TRIP13: variants seen among roughly 807,000 people sequenced by gnomAD.
The protein encoded by TRIP13 is thyroid hormone receptor interactor 13.
TRIP13 carries 25 observed loss-of-function variants against 54.4 expected under a neutral mutation model. The observed-to-expected ratio is 0.46, with a 90% CI of 0.33 to 0.64. The LOEUF (loss-of-function observed/expected upper bound fraction) is 0.64, where lower values mean the gene tolerates loss of function less well. Ranked by LOEUF, TRIP13 falls within the 30% of genes least tolerant of loss-of-function variation. The pLI is 0.02. For missense variants in TRIP13, 373 were observed against 534.2 expected, an observed-to-expected ratio of 0.70 and a Z score of 2.97; for synonymous variants, 207 against 207.8, an observed-to-expected ratio of 1.00 and a Z score of 0.03.
intron 9 of TRIP13, among the ~76,000 whole-genome samples, chr5:910,526 C>T (rs752616576): frequency 6.6e-5 from 10 of 152,268 alleles, no homozygotes; most frequent in African/African-American, 1.4e-4. Context: ...GGATTCCACA[C>T]GACGCTGATG....
Position 894,838 on chromosome 5 carries a change from A to C in TRIP13, c.144A>C (p.Arg48Ser). 1 of 1,613,756 alleles carries C rather than the reference A, an allele frequency of 6.2e-7. No homozygotes were observed. Among genetic ancestry groups the C allele is most frequent in the Middle Eastern group, 1.7e-4 (1 of 6,058 alleles). ...INLSVRKLLN[R>S]HNIVFGDYTW... is the part of the protein sequence containing the mutation. ...TGAGTGTTAGAAAGCTACTCAACAG[A>C]CATAATATTGTGTTTGGTGATTACA... The change falls in exon 2 of 13, where the codon AGA (arginine) becomes AGC (serine). Residue 48 changes from arginine (R) to serine (S), a missense_variant. By Grantham distance (110) the Arg-to-Ser change is moderately radical. Around this residue, in one of 4 missense-constraint regions of TRIP13, gnomAD observed 151 missense variants for 151.9 expected, o/e 0.99. Transcript: ENST00000166345.
rs528150414 is a variant in TRIP13 at position 908,213 on chromosome 5, C to T, written c.759+139C>T. 1.4e-6 allele frequency: 2 copies of T among 1,379,910 alleles called. No individual in the cohort carries two copies. Among genetic ancestry groups the T allele is most frequent in the Admixed American group, 1.8e-5 (1 of 56,350 alleles). 85.5% of individuals were successfully genotyped at this position (1,379,910 alleles called of 1,614,324 possible). A position where few individuals can be genotyped will look rare whatever the true frequency, so the allele number is the denominator to read the frequency against. On this transcript the variant is annotated intron_variant, in intron 8 of 12. Coordinates refer to ENST00000166345, the MANE Select transcript of TRIP13 (RefSeq NM_004237.4). The surrounding 1 kb of genome is among the most constrained non-coding windows in gnomAD (Gnocchi z 5.2). Reference sequence around the variant, plus strand: ...TCCCTCCCTGCACTGTGCGCCTTTCCACCTTGCCGCAGCATCCGCAGGCTA... The same window carrying T: ...TCCCTCCCTGCACTGTGCGCCTTTCTACCTTGCCGCAGCATCCGCAGGCTA...
chr5:893,343 C>A (rs1031883849), intron 1 of TRIP13, among the ~76,000 whole-genome samples: 7 of 151,688 alleles, frequency 4.6e-5, no homozygotes, highest in African/African-American at 1.2e-4. Context: ...CAGATTGAGC[C>A]CCGACCCGAC....
At position 893,091 on chromosome 5, in the gene TRIP13, G is replaced by T; in HGVS notation, c.92+1G>T. 2 of 1,590,328 alleles carry T rather than the reference G, an allele frequency of 1.3e-6. No homozygotes were observed. Among genetic ancestry groups the T allele is most frequent in the Non-Finnish European group, 1.7e-6 (2 of 1,174,330 alleles). ...TGGAGGTGCATCAGCGCGGCAGCAG[G>T]TGAGCCGGACCTGTCCGACACATCC... On this transcript the variant is annotated splice_donor_variant, in intron 1 of 12. Coordinates refer to ENST00000166345, the MANE Select transcript of TRIP13 (RefSeq NM_004237.4). LOFTEE classifies it high-confidence loss of function.
intron 12 of TRIP13, 111 bp downstream of exon 12, chr5:916,084 A>G (rs1754335067): frequency 1.7e-6 from 2 of 1,158,312 alleles, no homozygotes; most frequent in Admixed American, 1.8e-5. Context: ...CTCAGTTTCT[A>G]AACCACAGGG....
intron 5 of TRIP13, among the ~76,000 whole-genome samples, chr5:903,818 C>G (rs1754048493): frequency 6.6e-6 from 1 of 152,012 alleles, no homozygotes; most frequent in Non-Finnish European, 1.5e-5. Context: ...CAGGTGTCAG[C>G]AAAGATGTAG....
At chr5:916,236 G>A (rs558922512) in intron 12 of TRIP13, among the ~76,000 whole-genome samples, 10 of 152,332 alleles carry the variant, frequency 6.6e-5, no homozygotes, top group African/African-American at 2.4e-4. Flanking sequence ...GTGGTGTGCT[G>A]AGCTCGTGGC....
At chr5:903,964 A>T (rs1364319759) in intron 5 of TRIP13, among the ~76,000 whole-genome samples, 184 bp from the exon 6 acceptor site, 1 of 152,140 alleles carries the variant, frequency 6.6e-6, no homozygotes. Flanking sequence ...AAAGAGGGGG[A>T]GACGTAAGTG....
chr5:903,955 A>G (rs965397856), intron 5 of TRIP13, among the ~76,000 whole-genome samples, 193 bp from the exon 6 acceptor site: 1 of 152,192 alleles, frequency 6.6e-6, no homozygotes, highest in Non-Finnish European at 1.5e-5. Flanking sequence ...ACAAATAAGA[A>G]AGAGGGGGAG....
In TRIP13 at chr5:913,194, C is replaced by T. The variant is rs138913410; in HGVS notation, c.1020+1198C>T. ...GTGATAGCAGATCCTGCGAGGAAGTCGTGTGTGTTGGAGGTCCTCACGCAC... is the reference window on the plus strand; with the variant it reads ...GTGATAGCAGATCCTGCGAGGAAGTTGTGTGTGTTGGAGGTCCTCACGCAC... On this transcript the variant is annotated intron_variant, in intron 10 of 12. Coordinates refer to ENST00000166345, the MANE Select transcript of TRIP13 (RefSeq NM_004237.4). The surrounding 1 kb of genome is among the most constrained non-coding windows in gnomAD (Gnocchi z 4.5). Among the ~76,000 whole-genome samples, 1 of 152,284 alleles carries T rather than the reference C, an allele frequency of 6.6e-6. No individual in the cohort carries two copies. Among genetic ancestry groups the T allele is most frequent in the Non-Finnish European group, 1.5e-5 (1 of 68,012 alleles).
rs183701143 is a variant in TRIP13, at chr5:908,814, T to C, written c.866+353T>C. Reference sequence around the variant, plus strand: ...TCTACTAAAAATACAAAAAATTAGCTGGGCATGATGGCGGGCGCCTGTAGT... The same window carrying C: ...TCTACTAAAAATACAAAAAATTAGCCGGGCATGATGGCGGGCGCCTGTAGT... On this transcript the variant is annotated intron_variant, in intron 9 of 12. Transcript: ENST00000166345. The surrounding 1 kb of genome is among the most constrained non-coding windows in gnomAD (Gnocchi z 5.2). 23,212 of 383,988 alleles carry C rather than the reference T, an allele frequency of 0.06. 1,083 individuals carry two copies. Among genetic ancestry groups the C allele is most frequent in the African/African-American group, 0.17 (7,912 of 47,304 alleles). 23.8% of individuals were successfully genotyped at this position (383,988 alleles called of 1,614,324 possible).
In TRIP13 at chr5:913,037, G is replaced by A. The variant is rs527735649; in HGVS notation, c.1020+1041G>A. Among the ~76,000 whole-genome samples, 46 of 152,274 alleles carry A rather than the reference G, an allele frequency of 3.0e-4. No individual in the cohort carries two copies. The highest frequency in any genetic ancestry group is 1.1e-3 in the African/African-American group (44 of 41,548). On this transcript the variant is annotated intron_variant, in intron 10 of 12. Coordinates refer to ENST00000166345, the MANE Select transcript of TRIP13 (RefSeq NM_004237.4). The surrounding 1 kb of genome is among the most constrained non-coding windows in gnomAD (Gnocchi z 4.5). ...AGCCATGGACCCACTGGGCCTGCCC[G>A]GGTCAGCACTGTCCAGGCATGGTTT...
At position 896,071 on chromosome 5, in the gene TRIP13, T is replaced by G. The variant is rs547098171; in HGVS notation, c.259-594T>G. ...GCTCATGCCTGTAGTCCCAGCACTG[T>G]GGGAGAAGGATGGAAGGATCACTTG... On this transcript the variant is annotated intron_variant, in intron 2 of 12. Coordinates refer to ENST00000166345, the MANE Select transcript of TRIP13 (RefSeq NM_004237.4). Among the ~76,000 whole-genome samples, 138 of 151,998 alleles carry G rather than the reference T, an allele frequency of 9.1e-4. 1 individual carries two copies. Among genetic ancestry groups the G allele is most frequent in the Non-Finnish European group, 1.7e-3 (117 of 67,944 alleles).
At chr5:902,876 CAGAG>C (rs577290763) in intron 5 of TRIP13, among the ~76,000 whole-genome samples, 14 of 151,992 alleles carry the variant, frequency 9.2e-5, no homozygotes, top group African/African-American at 3.4e-4. Context: ...GCAGCTGAGG[CAGAG>C]AGAGAGAAGA....
Position 908,746 on chromosome 5 carries a change from C to T in TRIP13, c.866+285C>T, listed in dbSNP as rs1441298436. The T allele has an allele frequency of 2.1e-6, 2 of 938,846 alleles. No individual in the cohort carries two copies. The highest frequency in any genetic ancestry group is 5.7e-5 in the East Asian group (1 of 17,688). The allele number at this position is 938,846 out of a possible 1,614,324, so 58.2% of individuals were successfully genotyped here. ...GGCCGAGGCAGGCGGATCACAAGGT[C>T]AGTAGATTGAGACCATCCTGGCTGA... On this transcript the variant is annotated intron_variant, in intron 9 of 12. Transcript: ENST00000166345. This position sits in a 1 kb window ranked among gnomAD's most constrained non-coding sequence, Gnocchi z 5.2.
At chr5:901,893 G>C (rs1227380747) in intron 5 of TRIP13, among the ~76,000 whole-genome samples, 2 of 152,220 alleles carry the variant, frequency 1.3e-5, no homozygotes, top group Admixed American at 6.5e-5. Flanking sequence ...AAAGTGCTGG[G>C]ATTACAGGCT....
chr5:903,558 C>T (rs1252911591), intron 5 of TRIP13, among the ~76,000 whole-genome samples: 3 of 152,056 alleles, frequency 2.0e-5, no homozygotes, highest in Non-Finnish European at 4.4e-5. Context: ...TGCCTCGGCA[C>T]CTGGGTGGCT....
At chr5:916,844 G>A (rs1447557276) in intron 12 of TRIP13, among the ~76,000 whole-genome samples, 164 bp from the exon 13 acceptor site, 1 of 152,208 alleles carries the variant, frequency 6.6e-6, no homozygotes, top group Non-Finnish European at 1.5e-5. Flanking sequence ...GAGCTTGGCT[G>A]ATGTGCGTCC....
Position 904,144 on chromosome 5 carries a change from A to G in TRIP13, c.536-4A>G. 1 of 1,601,368 alleles carries G rather than the reference A, an allele frequency of 6.2e-7. No individual in the cohort carries two copies. Among genetic ancestry groups the G allele is most frequent in the Non-Finnish European group, 8.5e-7 (1 of 1,176,806 alleles). ...AAATATATTTGCTTGGATCTTTGTC[A>G]CAGGTCCTCCTGGCACTGGAAAAAC... On this transcript the variant is annotated splice_polypyrimidine_tract_variant and splice_region_variant and intron_variant, in intron 5 of 12. Transcript: ENST00000166345.
Sources: allele counts gnomAD v4.1 joint callset (sites outside exome capture counted in the v4.1 genomes callset), GRCh38; gene constraint gnomAD v4.1.1; regional missense constraint gnomAD v4.1.1; non-coding constraint Gnocchi (gnomAD v3.1); transcripts MANE v1.5; gene names NCBI Gene and HGNC (gene_info 2026-07-23, HGNC 2026-07-21).